WARS1: variants seen among roughly 807,000 people sequenced by gnomAD.
WARS1 encodes tryptophan--tRNA ligase, cytoplasmic.
A neutral mutation model predicts 47.8 loss-of-function variants in WARS1; 17 were observed. That is an observed-to-expected ratio of 0.36 (90% confidence interval 0.24 to 0.53). WARS1 has a LOEUF of 0.53. Among genes scored for constraint, WARS1 ranks in the 20% least tolerant of loss-of-function variants. The pLI is 0.91. For synonymous variants in WARS1, 208 were observed against 228.1 expected (o/e 0.91, Z 0.79); for missense variants, 434 against 608.0 (o/e 0.71, Z 3.01).
rs552178826 is a variant in WARS1 at position 100,367,439 on chromosome 14, T to A, written c.99+1648A>T. 3.6e-4 allele frequency among the ~76,000 whole-genome samples: 54 copies of A among 151,640 alleles called. 1 individual carries two copies. The highest frequency in any genetic ancestry group is 4.9e-4 in the Non-Finnish European group (33 of 67,892). On this transcript the variant is annotated intron_variant, in intron 2 of 10. Transcript: ENST00000392882. ...CCCGTCTCTACTAAAAATACAAAAATTAGCCTGGTATGGTGGCGGATGCCT... is the reference window on the plus strand; with the variant it reads ...CCCGTCTCTACTAAAAATACAAAAAATAGCCTGGTATGGTGGCGGATGCCT...
intron 2 of WARS1, chr14:100,365,511 C>T: frequency 4.0e-6 from 1 of 248,644 alleles, no homozygotes; most frequent in Non-Finnish European, 8.2e-6. Context: ...ACTCAGGAGG[C>T]AGAGGTTGTA....
chr14:100,372,192 G>A (rs776546971), intron 1 of WARS1, among the ~76,000 whole-genome samples: 3 of 152,056 alleles, frequency 2.0e-5, no homozygotes, highest in Non-Finnish European at 2.9e-5. Flanking sequence ...CAGCCCGCCT[G>A]CAGCCAGGTG....
chr14:100,337,344 T>TCGGGGGCGCACAGCCGG lies in WARS1; in HGVS notation c.1114-143_1114-142insCCGGCTGTGCGCCCCCG. On this transcript the variant is annotated intron_variant, in intron 9 of 10. Transcript: ENST00000392882. ...GGGAAAGGCCAAGGCGCACAGCCGG[T>TCGGGGGCGCACAGCCGG]TGGGGGCGCACAGCCAGTGGGGGAC... 6 of 1,273,894 alleles carry TCGGGGGCGCACAGCCGG rather than the reference T, an allele frequency of 4.7e-6. 1 individual carries two copies. Among genetic ancestry groups the TCGGGGGCGCACAGCCGG allele is most frequent in the South Asian group, 4.3e-5 (3 of 70,412 alleles). The allele number at this position is 1,273,894 out of a possible 1,614,324, so 78.9% of individuals were successfully genotyped here.
chr14:100,349,070 A>C (rs1322346039), intron 6 of WARS1, among the ~76,000 whole-genome samples: 1 of 152,236 alleles, frequency 6.6e-6, no homozygotes, highest in Non-Finnish European at 1.5e-5. Context: ...TGTATATCAC[A>C]TGTGGCTGAA....
At chr14:100,350,439 T>TGGA (rs148436419) in intron 6 of WARS1, among the ~76,000 whole-genome samples, 158 of 130,284 alleles carry the variant, frequency 1.2e-3, no homozygotes, top group African/African-American at 4.3e-3. Flanking sequence ...TTAGCGAAGG[T>TGGA]GGAGGCTGGT....
chr14:100,342,832 G>A (rs1348919651), intron 8 of WARS1, among the ~76,000 whole-genome samples: 1 of 151,966 alleles, frequency 6.6e-6, no homozygotes, highest in African/African-American at 2.4e-5. Flanking sequence ...CCGTCATCTA[G>A]GTTTTAAGCC....
intron 6 of WARS1, among the ~76,000 whole-genome samples, chr14:100,350,875 A>G (rs549858896): frequency 1.3e-5 from 2 of 152,296 alleles, no homozygotes; most frequent in East Asian, 3.9e-4. Context: ...AGCTCCTAGG[A>G]AAAGGTGATG....
chr14:100,333,842 TC>T lies in WARS1; in HGVS notation c.*1032del, dbSNP rs1893531858. 1 of 152,670 alleles carries T rather than the reference TC, an allele frequency of 6.6e-6. No individual in the cohort carries two copies. The highest frequency in any genetic ancestry group is 1.5e-5 in the Non-Finnish European group (1 of 68,084). 9.5% of individuals were successfully genotyped at this position (152,670 alleles called of 1,614,324 possible). A position where few individuals can be genotyped will look rare whatever the true frequency, so the allele number is the denominator to read the frequency against. ...ACTGGGTGACAGGAGGGCAGAGTGC[TC>T]CAGAGGAGACCCAGATACATCAACC... On this transcript the variant is annotated 3_prime_UTR_variant, in exon 11 of 11. Coordinates refer to ENST00000392882, the MANE Select transcript of WARS1 (RefSeq NM_004184.4).
At chr14:100,376,263 G>A, upstream of WARS1, 2 of 639,354 alleles carry the variant, frequency 3.1e-6, no homozygotes, top group Non-Finnish European at 4.4e-6. Flanking sequence ...CGCTTACCCT[G>A]CCCAGCCGGG....
chr14:100,346,674 G>A (rs2139959792), intron 7 of WARS1, 72 bp downstream of exon 7: 1 of 1,225,216 alleles, frequency 8.2e-7, no homozygotes, highest in South Asian at 1.2e-5. Context: ...AACCAGGCAT[G>A]TGTCTCCTCC....
At chr14:100,336,613 T>C (rs895741273) in intron 10 of WARS1, among the ~76,000 whole-genome samples, 2 of 152,246 alleles carry the variant, frequency 1.3e-5, no homozygotes, top group Non-Finnish European at 2.9e-5. Context: ...GGAGAAGCTC[T>C]GAACATTTTT....
At chr14:100,358,511 C>T (rs1363462675) in intron 4 of WARS1, among the ~76,000 whole-genome samples, 1 of 152,086 alleles carries the variant, frequency 6.6e-6, no homozygotes, top group Non-Finnish European at 1.5e-5. Context: ...CTGTACCTCA[C>T]AAATATACAA....
rs1356575245 is a variant in WARS1, at chr14:100,333,871, G to C, written c.*1004C>G. ...GAGGAGACCCAGATACATCAACCAA[G>C]GACTTCCCTGAGATTTGGCTTTGCT... is the stretch of plus-strand genomic sequence containing the variant. On this transcript the variant is annotated 3_prime_UTR_variant, in exon 11 of 11. Transcript: ENST00000392882. The C allele has an allele frequency of 6.5e-6, 1 of 152,680 alleles. No homozygotes were observed. Among genetic ancestry groups the C allele is most frequent in the Non-Finnish European group, 1.5e-5 (1 of 68,100 alleles). 9.5% of individuals were successfully genotyped at this position (152,680 alleles called of 1,614,324 possible). A position where few individuals can be genotyped will look rare whatever the true frequency, so the allele number is the denominator to read the frequency against.
intron 6 of WARS1, among the ~76,000 whole-genome samples, 199 bp downstream of exon 6, chr14:100,353,488 C>A (rs1038165044): frequency 1.3e-5 from 2 of 152,082 alleles, no homozygotes. Context: ...GACCTCGTGA[C>A]CCGCCCACCT....
intron 6 of WARS1, among the ~76,000 whole-genome samples, chr14:100,349,676 A>C (rs1210682706): frequency 6.6e-6 from 1 of 152,214 alleles, no homozygotes; most frequent in Non-Finnish European, 1.5e-5. Context: ...GGTCTGGAAC[A>C]CAAGTTTTCA....
chr14:100,353,334 T>C (rs1401140120), intron 6 of WARS1, among the ~76,000 whole-genome samples: 1 of 152,080 alleles, frequency 6.6e-6, no homozygotes, highest in Non-Finnish European at 1.5e-5. Context: ...CACTGTAACC[T>C]CCACCTCCCG....
chr14:100,334,642 C>T lies in WARS1; in HGVS notation c.*233G>A, dbSNP rs947399070. 15 of 431,268 alleles carry T rather than the reference C, an allele frequency of 3.5e-5. No homozygotes were observed. Among genetic ancestry groups the T allele is most frequent in the South Asian group, 8.8e-5 (3 of 33,918 alleles). 26.7% of individuals were successfully genotyped at this position (431,268 alleles called of 1,614,324 possible). Reference sequence around the variant, plus strand: ...AGACTCACAGCTGGACTTCTCTATCCGACCATGCAATGTTAGCCAGCACCA... The same window carrying T: ...AGACTCACAGCTGGACTTCTCTATCTGACCATGCAATGTTAGCCAGCACCA... On this transcript the variant is annotated 3_prime_UTR_variant, in exon 11 of 11. Transcript: ENST00000392882.
At chr14:100,346,683 C>T in intron 7 of WARS1, 63 bp downstream of exon 7, 2 of 1,342,026 alleles carry the variant, frequency 1.5e-6, no homozygotes, top group East Asian at 4.7e-5. Context: ...TGTGTCTCCT[C>T]CAGAACTCTG....
chr14:100,343,247 A>G (rs1894295002), intron 8 of WARS1, 28 bp downstream of exon 8: 1 of 1,577,556 alleles, frequency 6.3e-7, no homozygotes, highest in African/African-American at 1.4e-5. Context: ...CCCCAGACTT[A>G]GAGAGCCTTG....
Sources: allele counts gnomAD v4.1 joint callset (sites outside exome capture counted in the v4.1 genomes callset), GRCh38; gene constraint gnomAD v4.1.1; transcripts MANE v1.5; gene names NCBI Gene and HGNC (gene_info 2026-07-23, HGNC 2026-07-21).